The following IL19 variants were observed in gnomAD, a reference collection of about 807,000 sequenced individuals.
IL19 encodes interleukin 19, also known as interleukin-19.
A neutral mutation model predicts 19.5 loss-of-function variants in IL19; 15 were observed. The observed-to-expected ratio is 0.77, with a 90% CI of 0.52 to 1.19. The LOEUF is 1.19. IL19 is among the 50% of genes most tolerant of loss of function. IL19 has a pLI of 0.00. For missense variants in IL19, 199 were observed against 213.1 expected (o/e 0.93, Z 0.41); for synonymous variants, 78 against 78.3 (o/e 1.00, Z 0.02).
intron 1 of IL19, among the ~76,000 whole-genome samples, chr1:206,773,126 A>T (rs1674901831): frequency 6.6e-6 from 1 of 152,176 alleles, no homozygotes; most frequent in South Asian, 2.1e-4. Flanking sequence ...ATTCTCAGGC[A>T]CATGTTTCCA....
intron 2 of IL19, among the ~76,000 whole-genome samples, chr1:206,807,503 C>CTT (rs1675877346): frequency 6.6e-6 from 1 of 151,960 alleles, no homozygotes; most frequent in South Asian, 2.1e-4. Context: ...GGAACTCTCT[C>CTT]CCCTCAACCC....
intron 1 of IL19, among the ~76,000 whole-genome samples, chr1:206,789,962 C>T (rs574020637): frequency 6.6e-6 from 1 of 152,218 alleles, no homozygotes; most frequent in South Asian, 2.1e-4. Context: ...CATATCTTTC[C>T]AATTGTGAAT....
At chr1:206,808,591 C>T (rs1023114340) in intron 2 of IL19, among the ~76,000 whole-genome samples, 1 of 151,688 alleles carries the variant, frequency 6.6e-6, no homozygotes, top group Non-Finnish European at 1.5e-5. Context: ...GGCACTGAGA[C>T]AGAGTAAATG....
chr1:206,839,744 A>T, intron 4 of IL19, 106 bp from the exon 5 acceptor site: 1 of 982,102 alleles, frequency 1.0e-6, no homozygotes, highest in Non-Finnish European at 1.5e-6. Flanking sequence ...TTCCAAAATG[A>T]CTTTTAGTTC....
At chr1:206,785,804 T>C (rs948982899) in intron 1 of IL19, among the ~76,000 whole-genome samples, 2 of 152,234 alleles carry the variant, frequency 1.3e-5, no homozygotes, top group African/African-American at 4.8e-5. Context: ...GTCCTATTTA[T>C]AGTGTAACCC....
intron 2 of IL19, among the ~76,000 whole-genome samples, chr1:206,835,056 T>A (rs1676739498): frequency 6.6e-6 from 1 of 152,216 alleles, no homozygotes. Flanking sequence ...AAATGTTACT[T>A]ACTACTAATA....
intron 1 of IL19, among the ~76,000 whole-genome samples, chr1:206,797,051 C>T (rs1675540784): frequency 6.6e-6 from 1 of 152,156 alleles, no homozygotes; most frequent in East Asian, 1.9e-4. Flanking sequence ...GGAAGAAGAA[C>T]CTTCCCTGAC....
At chr1:206,829,733 G>C (rs1024183003) in intron 2 of IL19, among the ~76,000 whole-genome samples, 1 of 152,192 alleles carries the variant, frequency 6.6e-6, no homozygotes, top group African/African-American at 2.4e-5. Context: ...GGAGGCATCA[G>C]TTGGGCTCTT....
chr1:206,811,801 T>A (rs1191388028), intron 2 of IL19, among the ~76,000 whole-genome samples: 1 of 152,188 alleles, frequency 6.6e-6, no homozygotes, highest in Admixed American at 6.5e-5. Flanking sequence ...CAGGGGCAGA[T>A]TGATTACAGT....
chr1:206,830,872 T>C (rs549827120), intron 2 of IL19, among the ~76,000 whole-genome samples: 31 of 152,356 alleles, frequency 2.0e-4, no homozygotes, highest in Admixed American at 1.8e-3. Context: ...CCACCGCTCC[T>C]GGCCTACGTT....
At chr1:206,801,184 A>AAC (rs1553439756) in intron 2 of IL19, among the ~76,000 whole-genome samples, 5 of 151,192 alleles carry the variant, frequency 3.3e-5, no homozygotes, top group Admixed American at 6.6e-5. Context: ...AAAAAAAAAA[A>AAC]CCACAGATGT....
chr1:206,839,730 A>G (rs1214070887), intron 4 of IL19, 120 bp from the exon 5 acceptor site: 12 of 858,254 alleles, frequency 1.4e-5, no homozygotes, highest in Admixed American at 2.3e-5. Context: ...ACCATTACGA[A>G]TTTTTCCAAA....
At chr1:206,772,235 A>G in intron 1 of IL19, 1 of 1,593,562 alleles carries the variant, frequency 6.3e-7, no homozygotes, top group Non-Finnish European at 8.6e-7. Flanking sequence ...AGGCAGTCCC[A>G]GGAAGAGAGA....
At chr1:206,808,973 G>T (rs571956178) in intron 2 of IL19, among the ~76,000 whole-genome samples, 1 of 152,168 alleles carries the variant, frequency 6.6e-6, no homozygotes, top group Non-Finnish European at 1.5e-5. Flanking sequence ...GAAGGCAGAA[G>T]GTTCTGGAAA....
At chr1:206,837,556 TAC>T (rs1214105378) in intron 4 of IL19, among the ~76,000 whole-genome samples, 2 of 152,106 alleles carry the variant, frequency 1.3e-5, no homozygotes, top group Non-Finnish European at 2.9e-5. Flanking sequence ...AGGCTTATAA[TAC>T]AGACAATAGG....
chr1:206,775,557 A>G (rs1002340254), intron 1 of IL19, among the ~76,000 whole-genome samples: 2 of 152,234 alleles, frequency 1.3e-5, no homozygotes, highest in African/African-American at 4.8e-5. Flanking sequence ...TTCTCCATCA[A>G]TATGTCTCAT....
chr1:206,807,552 C>T (rs1012225244), intron 2 of IL19, among the ~76,000 whole-genome samples: 1 of 152,188 alleles, frequency 6.6e-6, no homozygotes, highest in African/African-American at 2.4e-5. Context: ...TACATCTCAG[C>T]TTACTTATAT....
intron 2 of IL19, among the ~76,000 whole-genome samples, chr1:206,801,170 A>T (rs1037901519): frequency 1.2e-4 from 6 of 51,226 alleles, no homozygotes; most frequent in Non-Finnish European, 2.5e-4. Flanking sequence ...TTCGTAGTTT[A>T]AAAAAAAAAA....
chr1:206,809,065 A>G (rs192383153), intron 2 of IL19, among the ~76,000 whole-genome samples: 21 of 152,278 alleles, frequency 1.4e-4, no homozygotes, highest in Admixed American at 3.9e-4. Context: ...TTCTTGGCAA[A>G]CAGTCTTTGT....
Sources: gnomAD v4.1 joint callset for allele counts (sites outside exome capture counted in the v4.1 genomes callset) on GRCh38, gnomAD v4.1.1 for gene constraint, MANE v1.5 for transcripts, NCBI Gene and HGNC (gene_info 2026-07-23, HGNC 2026-07-21) for gene names.